Variants in EFNA5 observed in about 807,000 individuals in gnomAD.
EFNA5 encodes ephrin-A5.
A neutral mutation model predicts 22.9 loss-of-function variants in EFNA5; 5 were observed. The ratio of observed to expected loss-of-function variants is 0.22; its 90% CI spans 0.11 to 0.46. The LOEUF is 0.46. Ranked by LOEUF, EFNA5 falls within the 20% of genes least tolerant of loss-of-function variation. The pLI is 0.99. For synonymous variants in EFNA5, 113 were observed against 112.2 expected, an observed-to-expected ratio of 1.01 and a Z score of -0.04; for missense variants, 237 against 293.3, an observed-to-expected ratio of 0.81 and a Z score of 1.40.
At chr5:107,505,006 G>A (rs193110209) in intron 1 of EFNA5, among the ~76,000 whole-genome samples, 62 of 151,960 alleles carry the variant, frequency 4.1e-4, no homozygotes, top group African/African-American at 1.4e-3. Context: ...TTGTTTTTCC[G>A]TATCTTTAAT....
intron 1 of EFNA5, among the ~76,000 whole-genome samples, chr5:107,517,866 G>A (rs941393420): frequency 2.6e-5 from 4 of 152,244 alleles, no homozygotes; most frequent in African/African-American, 7.2e-5. Context: ...CTATAAAAGC[G>A]TTTTTGTCTA....
At chr5:107,484,419 T>A (rs1746522660) in intron 1 of EFNA5, among the ~76,000 whole-genome samples, 1 of 152,138 alleles carries the variant, frequency 6.6e-6, no homozygotes, top group Non-Finnish European at 1.5e-5. Flanking sequence ...ACTTTGAGGA[T>A]CTGATTCAGA....
At chr5:107,480,443 A>G (rs569534969) in intron 1 of EFNA5, among the ~76,000 whole-genome samples, 1 of 152,356 alleles carries the variant, frequency 6.6e-6, no homozygotes, top group Admixed American at 6.5e-5. Flanking sequence ...AGCATCAACT[A>G]TAATATCTGG....
At chr5:107,412,436 A>C (rs907051154) in intron 2 of EFNA5, among the ~76,000 whole-genome samples, 1 of 152,216 alleles carries the variant, frequency 6.6e-6, no homozygotes, top group African/African-American at 2.4e-5. Flanking sequence ...CTGGTTGATA[A>C]TAAAACTTGA....
chr5:107,656,646 A>C (rs1750831372), intron 1 of EFNA5, among the ~76,000 whole-genome samples: 1 of 152,106 alleles, frequency 6.6e-6, no homozygotes, highest in African/African-American at 2.4e-5. Context: ...AATTTATTGA[A>C]GTATGATTGA....
At chr5:107,394,704 G>A (rs183196946) in intron 2 of EFNA5, among the ~76,000 whole-genome samples, 2 of 152,222 alleles carry the variant, frequency 1.3e-5, no homozygotes, top group East Asian at 3.9e-4. Context: ...ACTAACCTGA[G>A]TATTATTTAA....
intron 1 of EFNA5, among the ~76,000 whole-genome samples, chr5:107,495,311 T>C (rs2112418991): frequency 6.6e-6 from 1 of 151,962 alleles, no homozygotes; most frequent in East Asian, 1.9e-4. Context: ...CCTTAAGAGC[T>C]GTAACACTCA....
chr5:107,536,173 A>T (rs1164439078), intron 1 of EFNA5, among the ~76,000 whole-genome samples: 1 of 152,204 alleles, frequency 6.6e-6, no homozygotes, highest in Non-Finnish European at 1.5e-5. Context: ...ATTTCTTTTC[A>T]ACATTCTCAC....
rs1554068246 is a variant in EFNA5, at chr5:107,591,959, A to ATATATATAATATATATTATATAT, written c.125+78529_125+78530insATATATAATATATATTATATATA. On this transcript the variant is annotated intron_variant, in intron 1 of 4. Transcript: ENST00000333274. The stretch of plus-strand genomic sequence containing the variant: ...ATATATATATTATATATAATATATA[A>ATATATATAATATATATTATATAT]TATATATAATATATATAATATATAA... 2.9e-3 allele frequency among the ~76,000 whole-genome samples: 29 copies of ATATATATAATATATATTATATAT among 10,106 alleles called. 3 individuals are homozygous for ATATATATAATATATATTATATAT. The highest frequency in any genetic ancestry group is 9.9e-3 in the East Asian group (7 of 704). 6.6% of individuals were successfully genotyped at this position (10,106 alleles called of 152,430 possible).
chr5:107,511,002 T>TTGTGTGTGTGTG (rs71644591), intron 1 of EFNA5, among the ~76,000 whole-genome samples: 2,859 of 140,338 alleles, frequency 0.02, 96 homozygotes, highest in African/African-American at 0.071. Flanking sequence ...TTCTTTTTCT[T>TTGTGTGTGTGTG]TGTGTGTGTG....
rs1365353096 is a variant in EFNA5 at position 107,670,530 on chromosome 5, G to A, written c.84C>T (p.Val28=). 4 of 1,585,604 alleles carry A rather than the reference G, an allele frequency of 2.5e-6. No homozygotes were observed. Among genetic ancestry groups the A allele is most frequent in the African/African-American group, 1.4e-5 (1 of 74,016 alleles). The change falls in exon 1 of 5, where the codon GTC becomes GTT. Residue 28 remains valine, a synonymous_variant. Coordinates refer to ENST00000333274, the MANE Select transcript of EFNA5 (RefSeq NM_001962.3). Reference sequence around the variant, plus strand: ...TCCAGTAGACAGCGTAGCGGTCGGCGACGGCCTTGGAGCCCGGGTCCTGGC... The same window carrying A: ...TCCAGTAGACAGCGTAGCGGTCGGCAACGGCCTTGGAGCCCGGGTCCTGGC... ...VFSQDPGSKA[V]ADRYAVYWNS...
chr5:107,504,740 T>C (rs756865861), intron 1 of EFNA5, among the ~76,000 whole-genome samples: 7 of 152,202 alleles, frequency 4.6e-5, no homozygotes, highest in Non-Finnish European at 7.4e-5. Flanking sequence ...GAAGCCTATT[T>C]AGGCACCAAG....
At chr5:107,639,356 A>G (rs528635618) in intron 1 of EFNA5, among the ~76,000 whole-genome samples, 1 of 152,324 alleles carries the variant, frequency 6.6e-6, no homozygotes, top group Non-Finnish European at 1.5e-5. Context: ...AAGAGCACAG[A>G]CTCTGGAACC....
chr5:107,627,077 T>C (rs879576915), intron 1 of EFNA5, among the ~76,000 whole-genome samples: 5 of 152,244 alleles, frequency 3.3e-5, no homozygotes, highest in Non-Finnish European at 7.3e-5. Flanking sequence ...AAAATAGGTA[T>C]GTGCTACCTT....
intron 1 of EFNA5, among the ~76,000 whole-genome samples, chr5:107,527,307 T>TG (rs918647051): frequency 6.7e-6 from 1 of 149,240 alleles, no homozygotes; most frequent in Non-Finnish European, 1.5e-5. Context: ...TTTTTTGAGA[T>TG]GGAGTCTCGG....
chr5:107,632,812 T>C (rs1750286867), intron 1 of EFNA5, among the ~76,000 whole-genome samples: 1 of 152,230 alleles, frequency 6.6e-6, no homozygotes, highest in South Asian at 2.1e-4. Flanking sequence ...TCCAATATAA[T>C]TGCTGAGGAT....
Position 107,421,534 on chromosome 5 carries a change from G to A in EFNA5, c.418+5683C>T, listed in dbSNP as rs940710400. On this transcript the variant is annotated intron_variant, in intron 2 of 4. Transcript: ENST00000333274. Reference sequence around the variant, plus strand: ...AGTTATCTGAGTTAAAAAGGTCAACGCTTTGGGAAGATACAGTTGAAATAT... The same window carrying A: ...AGTTATCTGAGTTAAAAAGGTCAACACTTTGGGAAGATACAGTTGAAATAT... Among the ~76,000 whole-genome samples the A allele has an allele frequency of 6.6e-5, 10 of 152,276 alleles. No individual in the cohort carries two copies. In the East Asian group the frequency reaches 9.6e-4, roughly 15 times the overall value.
intron 1 of EFNA5, among the ~76,000 whole-genome samples, chr5:107,482,840 C>CTG (rs1561406332): frequency 2.3e-4 from 15 of 65,492 alleles, no homozygotes; most frequent in Middle Eastern, 7.6e-3. Context: ...CTGTCTCTCT[C>CTG]TCTCTCTCTC....
intron 1 of EFNA5, among the ~76,000 whole-genome samples, chr5:107,454,905 G>C (rs1465809500): frequency 6.6e-6 from 1 of 152,160 alleles, no homozygotes; most frequent in African/African-American, 2.4e-5. Context: ...AGTAGAGAGG[G>C]AAGGAAGCTT....
Sources: allele counts gnomAD v4.1 joint callset (sites outside exome capture counted in the v4.1 genomes callset), GRCh38; gene constraint gnomAD v4.1.1; transcripts MANE v1.5; gene names NCBI Gene and HGNC (gene_info 2026-07-23, HGNC 2026-07-21).